Variants in FKBP15 observed in about 807,000 individuals in gnomAD.
The protein encoded by FKBP15 is FK506-binding protein 15.
Under a neutral mutation model 158.1 loss-of-function variants are expected in FKBP15, and 106 were observed. The observed-to-expected ratio is 0.67, with a 90% CI of 0.57 to 0.79. The LOEUF (loss-of-function observed/expected upper bound fraction) is 0.79, where lower values mean the gene tolerates loss of function less well. FKBP15 is among the 30% of genes least tolerant of loss of function. The pLI is 0.00. For missense variants in FKBP15, 1,287 were observed against 1,479.1 expected (o/e 0.87, Z 2.13); for synonymous variants, 547 against 548.6 (o/e 1.00, Z 0.04).
chr9:113,162,113 C>T lies in FKBP15; in HGVS notation c.*3965G>A. The T allele has an allele frequency of 3.0e-6, 1 of 335,608 alleles. No individual in the cohort carries two copies. The highest frequency in any genetic ancestry group is 2.5e-5 in the South Asian group (1 of 39,692). 20.8% of individuals were successfully genotyped at this position (335,608 alleles called of 1,614,324 possible). A position where few individuals can be genotyped will look rare whatever the true frequency, so the allele number is the denominator to read the frequency against. ...GGAGGATGACAAGCTCTCCTCTCCT[C>T]CCTTCCCACTCGAATCAGGCAACCA... On this transcript the variant is annotated 3_prime_UTR_variant, in exon 28 of 28. Transcript: ENST00000238256.
chr9:113,172,662 G>C (rs976229172), intron 23 of FKBP15, among the ~76,000 whole-genome samples: 1 of 152,138 alleles, frequency 6.6e-6, no homozygotes, highest in Non-Finnish European at 1.5e-5. Flanking sequence ...TGCTTGCCTT[G>C]TTCCCAATCA....
chr9:113,173,615 G>C lies in FKBP15; in HGVS notation c.2380-10C>G. ...CCTGTACTAAAGACAGCTGCCAAGA[G>C]AAAGTAATGACCATATCATCCTTGG... On this transcript the variant is annotated splice_polypyrimidine_tract_variant and intron_variant, in intron 22 of 27. Coordinates refer to ENST00000238256, the MANE Select transcript of FKBP15 (RefSeq NM_015258.2). The C allele has an allele frequency of 1.9e-6, 3 of 1,612,818 alleles. No individual in the cohort carries two copies. The highest frequency in any genetic ancestry group is 1.3e-5 in the African/African-American group (1 of 75,020).
At chr9:113,183,932 C>T in intron 17 of FKBP15, 87 bp from the exon 18 acceptor site, 4 of 932,688 alleles carry the variant, frequency 4.3e-6, no homozygotes, top group Non-Finnish European at 5.1e-6. Flanking sequence ...TGACAGGTGA[C>T]ATTGTTAACA....
intron 6 of FKBP15, among the ~76,000 whole-genome samples, chr9:113,200,659 C>T (rs188646540): frequency 2.0e-5 from 3 of 152,164 alleles, no homozygotes; most frequent in Non-Finnish European, 1.5e-5. Flanking sequence ...TATGAAAGAT[C>T]TTTATGAGTT....
intron 18 of FKBP15, among the ~76,000 whole-genome samples, chr9:113,183,078 T>G (rs1226930656): frequency 6.6e-6 from 1 of 151,870 alleles, no homozygotes; most frequent in Non-Finnish European, 1.5e-5. Context: ...TGAACTACCC[T>G]GAATAATGGA....
At chr9:113,192,857 G>A (rs191246007) in intron 11 of FKBP15, among the ~76,000 whole-genome samples, 4 of 152,296 alleles carry the variant, frequency 2.6e-5, no homozygotes, top group Non-Finnish European at 4.4e-5. Flanking sequence ...AGAAGAGACC[G>A]TCTAGGATTA....
At chr9:113,168,207 C>A (rs192977544) in intron 27 of FKBP15, among the ~76,000 whole-genome samples, 3 of 152,314 alleles carry the variant, frequency 2.0e-5, no homozygotes, top group Non-Finnish European at 1.5e-5. Context: ...AGCTTTCTTC[C>A]TCTGAGGGGA....
intron 1 of FKBP15, among the ~76,000 whole-genome samples, chr9:113,216,904 CT>C (rs71491083): frequency 0.012 from 1,637 of 131,702 alleles, 13 homozygotes; most frequent in Non-Finnish European, 0.018. Context: ...ATTCCATTTT[CT>C]TTTTTTTTTT....
At chr9:113,171,745 C>CTGG in intron 23 of FKBP15, 39 bp from the exon 24 acceptor site, 2 of 1,454,072 alleles carry the variant, frequency 1.4e-6, no homozygotes, top group Admixed American at 2.2e-5. Context: ...CCTCAGGAAC[C>CTGG]AGGTGAAGGT....
rs1564171938 is a variant in FKBP15, at chr9:113,194,008, T to G, written c.1007+19A>C. ...TTTTATGAGCCATAAAAGAGCTTGA[T>G]ACAACTGCAGTATCTTACCCTGATT... is the stretch of plus-strand genomic sequence containing the variant. On this transcript the variant is annotated intron_variant, in intron 10 of 27. Transcript: ENST00000238256. The G allele has an allele frequency of 6.3e-7, 1 of 1,588,208 alleles. No homozygotes were observed. Among genetic ancestry groups the G allele is most frequent in the African/African-American group, 1.4e-5 (1 of 73,962 alleles).
At position 113,191,958 on chromosome 9, in the gene FKBP15, GAAAAGA is replaced by G. The variant is rs544401141; in HGVS notation, c.1066-1386_1066-1381del. Among the ~76,000 whole-genome samples the G allele has an allele frequency of 2.5e-3, 371 of 150,210 alleles. 4 individuals are homozygous for G. The highest frequency in any genetic ancestry group is 6.8e-3 in the African/African-American group (277 of 41,010). ...AAAACAAAAGATAAAAACTAAAATG[GAAAAGA>G]AAAAGAAAAAGAAAGGTGGTTAATT... On this transcript the variant is annotated intron_variant, in intron 11 of 27. Coordinates refer to ENST00000238256, the MANE Select transcript of FKBP15 (RefSeq NM_015258.2).
At chr9:113,193,466 T>C (rs1212357976) in intron 11 of FKBP15, 26 bp downstream of exon 11, 2 of 1,565,038 alleles carry the variant, frequency 1.3e-6, no homozygotes, top group Non-Finnish European at 1.7e-6. Flanking sequence ...TGAACCACCA[T>C]GCCTGGCCAA....
chr9:113,179,300 C>T (rs190251844), intron 19 of FKBP15, among the ~76,000 whole-genome samples: 7 of 152,212 alleles, frequency 4.6e-5, no homozygotes, highest in Admixed American at 1.3e-4. Flanking sequence ...ATTTATTCCT[C>T]GCCTTATTCC....
At position 113,184,271 on chromosome 9, in the gene FKBP15, T is replaced by C. The variant is rs768755604; in HGVS notation, c.1716+21A>G. The C allele has an allele frequency of 2.4e-5, 36 of 1,529,464 alleles. No homozygotes were observed. The highest frequency in any genetic ancestry group is 2.6e-5 in the Non-Finnish European group (29 of 1,117,646). The allele number at this position is 1,529,464 out of a possible 1,614,324, so 94.7% of individuals were successfully genotyped here. On this transcript the variant is annotated intron_variant, in intron 17 of 27. Transcript: ENST00000238256. This position sits in a 1 kb window ranked among gnomAD's most constrained non-coding sequence, Gnocchi z 4.5. ...TGGGTAAGACCTTCAGCCTGAGTGG[T>C]ATGTTCTTAATCACCCTCACCTGAA... is the stretch of plus-strand genomic sequence containing the variant.
rs756482987 is a variant in FKBP15 at position 113,188,529 on chromosome 9, G to A, written c.1174-38C>T. On this transcript the variant is annotated intron_variant, in intron 12 of 27. Coordinates refer to ENST00000238256, the MANE Select transcript of FKBP15 (RefSeq NM_015258.2). ...CAAGCGTTTGGGTTACTCTGTACGG[G>A]GTCCCTCATTGAAGACTGAGGCTGA... is the stretch of plus-strand genomic sequence containing the variant. 5.8e-6 allele frequency: 9 copies of A among 1,551,596 alleles called. No homozygotes were observed. The East Asian group carries it at 1.8e-4, about 31-fold the overall frequency.
intron 2 of FKBP15, 106 bp from the exon 3 acceptor site, chr9:113,207,402 T>A: frequency 1.3e-6 from 1 of 755,870 alleles, no homozygotes; most frequent in Non-Finnish European, 2.1e-6. Context: ...TGCAGTGGCG[T>A]GATCTCGGTT....
At chr9:113,176,146 T>C (rs540387218) in intron 21 of FKBP15, among the ~76,000 whole-genome samples, 1 of 152,218 alleles carries the variant, frequency 6.6e-6, no homozygotes, top group South Asian at 2.1e-4. Context: ...AAACAAATTA[T>C]GGTACAGCCT....
chr9:113,176,363 A>C (rs1830299503), intron 21 of FKBP15, among the ~76,000 whole-genome samples, 174 bp downstream of exon 21: 1 of 152,260 alleles, frequency 6.6e-6, no homozygotes, highest in African/African-American at 2.4e-5. Flanking sequence ...CATACACTTT[A>C]TAACTGTCAC....
At chr9:113,220,092 C>T (rs1244136703) in intron 1 of FKBP15, among the ~76,000 whole-genome samples, 1 of 152,322 alleles carries the variant, frequency 6.6e-6, no homozygotes, top group African/African-American at 2.4e-5. Context: ...TACTCTCACC[C>T]TACAAGGCAG....
Sources: gnomAD v4.1 joint callset for allele counts (sites outside exome capture counted in the v4.1 genomes callset) on GRCh38, gnomAD v4.1.1 for gene constraint, Gnocchi (gnomAD v3.1) non-coding constraint, MANE v1.5 for transcripts, NCBI Gene and HGNC (gene_info 2026-07-23, HGNC 2026-07-21) for gene names.